Variants in HAGH observed in about 807,000 individuals in gnomAD.
HAGH encodes the protein hydroxyacylglutathione hydrolase, mitochondrial.
Under a neutral mutation model 35.1 loss-of-function variants are expected in HAGH, and 29 were observed. The ratio of observed to expected loss-of-function variants is 0.83; its 90% CI spans 0.62 to 1.13. HAGH has a LOEUF of 1.13. Among genes scored for constraint, HAGH ranks in the 50% most tolerant of loss-of-function variants. The probability of loss-of-function intolerance (pLI) is 0.00; values close to 1 mark genes in which losing one functional copy is unlikely to be tolerated. For missense variants in HAGH, 478 were observed against 419.6 expected, an observed-to-expected ratio of 1.14 and a Z score of -1.22; for synonymous variants, 225 against 176.1, an observed-to-expected ratio of 1.28 and a Z score of -2.20.
rs202216107 is a variant in HAGH, at chr16:1,812,524, A to AC, written c.748-2692_748-2691insG. 134 of 150,606 alleles carry AC rather than the reference A, an allele frequency of 8.9e-4. 1 individual carries two copies. Among genetic ancestry groups the AC allele is most frequent in the African/African-American group, 3.2e-3 (131 of 41,150 alleles). 9.3% of individuals were successfully genotyped at this position (150,606 alleles called of 1,614,324 possible). A position where few individuals can be genotyped will look rare whatever the true frequency, so the allele number is the denominator to read the frequency against. On this transcript the variant is annotated intron_variant, in intron 7 of 8. Transcript: ENST00000397356. The stretch of plus-strand genomic sequence containing the variant: ...TGTCTCAAAAAAAAAAAAAAACAAA[A>AC]AAAAAACACACAAATTGTCAAAATC...
At chr16:1,812,147 G>C (rs1234335420) in intron 7 of HAGH, among the ~76,000 whole-genome samples, 1 of 141,870 alleles carries the variant, frequency 7.0e-6, no homozygotes, top group Non-Finnish European at 1.5e-5. Context: ...CCGAGATTGT[G>C]CCACTGCACT....
intron 7 of HAGH, among the ~76,000 whole-genome samples, chr16:1,815,617 G>C (rs1346373581): frequency 6.6e-6 from 1 of 152,220 alleles, no homozygotes; most frequent in Non-Finnish European, 1.5e-5. Context: ...ACATGGGAGG[G>C]ACACAGGAGC....
intron 3 of HAGH, among the ~76,000 whole-genome samples, chr16:1,820,869 G>A (rs999941805): frequency 2.0e-5 from 3 of 152,186 alleles, no homozygotes; most frequent in South Asian, 2.1e-4. Context: ...ACCCACCATC[G>A]GTGAGCAAAC....
At chr16:1,809,522 C>T in intron 8 of HAGH, 140 bp from the exon 9 acceptor site, 1 of 707,248 alleles carries the variant, frequency 1.4e-6, no homozygotes, top group Non-Finnish European at 2.4e-6. Flanking sequence ...GGCAGCCACT[C>T]CCCTTCTGAC....
intron 7 of HAGH, chr16:1,811,004 G>C (rs1897624490): frequency 6.6e-6 from 1 of 152,206 alleles, no homozygotes; most frequent in East Asian, 1.9e-4. Flanking sequence ...CACTTCTAAG[G>C]AGACCTTTAA....
chr16:1,827,157 G>A, upstream of HAGH: 2 of 1,518,728 alleles, frequency 1.3e-6, no homozygotes, highest in South Asian at 1.3e-5. Flanking sequence ...AGCGTTCCGA[G>A]GCAGTTGGTC....
Position 1,809,821 on chromosome 16 carries a change from T to G in HAGH, c.760A>C (p.Ile254Leu). 1.2e-6 allele frequency: 2 copies of G among 1,613,354 alleles called. No homozygotes were observed. The highest frequency in any genetic ancestry group is 4.5e-5 in the East Asian group (2 of 44,892). The change falls in exon 8 of 9, where the codon ATC becomes CTC. Residue 254 changes from isoleucine to leucine, a missense_variant. Coordinates refer to ENST00000397356, the MANE Select transcript of HAGH (RefSeq NM_005326.6). ...KLAWAKEKYS[I>L]GEPTVPSTLA... Reference sequence around the variant, plus strand: ...GTGGATGGCACTGTGGGCTCCCCGATGCTGTACTTCTCCTGCAAGAGAAAC... The same window carrying G: ...GTGGATGGCACTGTGGGCTCCCCGAGGCTGTACTTCTCCTGCAAGAGAAAC...
At chr16:1,823,955 C>G (rs1230458084) in intron 1 of HAGH, among the ~76,000 whole-genome samples, 1 of 152,078 alleles carries the variant, frequency 6.6e-6, no homozygotes, top group Non-Finnish European at 1.5e-5. Flanking sequence ...ACACCCCGGA[C>G]TCAGGGACAG....
Position 1,809,261 on chromosome 16 carries a change from C to T in HAGH, c.*22G>A. 6.5e-7 allele frequency: 1 copy of T among 1,531,812 alleles called. No homozygotes were observed. Among genetic ancestry groups the T allele is most frequent in the East Asian group, 2.3e-5 (1 of 43,962 alleles). The allele number at this position is 1,531,812 out of a possible 1,614,324, so 94.9% of individuals were successfully genotyped here. A position where few individuals can be genotyped will look rare whatever the true frequency, so the allele number is the denominator to read the frequency against. On this transcript the variant is annotated 3_prime_UTR_variant, in exon 9 of 9. Coordinates refer to ENST00000397356, the MANE Select transcript of HAGH (RefSeq NM_005326.6). ...ACCTAAAAGAGCCTAATCCCCAAATCCGCTGAAGGTGCAGGGCGGCCTCAG... is the reference window on the plus strand; with the variant it reads ...ACCTAAAAGAGCCTAATCCCCAAATTCGCTGAAGGTGCAGGGCGGCCTCAG...
At chr16:1,819,336 C>T in intron 4 of HAGH, 113 bp from the exon 5 acceptor site, 2 of 649,316 alleles carry the variant, frequency 3.1e-6, no homozygotes, top group Non-Finnish European at 2.7e-6. Flanking sequence ...GAGGGAAATG[C>T]CCGTGAAGGT....
upstream of HAGH, chr16:1,827,126 C>T: frequency 7.0e-7 from 1 of 1,435,674 alleles, no homozygotes; most frequent in Non-Finnish European, 9.3e-7. Context: ...CGAGGTGGAA[C>T]GGGCCGTCGC....
chr16:1,822,393 C>T lies in HAGH; in HGVS notation c.250-29G>A. 1.9e-6 allele frequency: 3 copies of T among 1,552,850 alleles called. No individual in the cohort carries two copies. The East Asian group carries it at 6.7e-5, about 35-fold the overall frequency. ...CAGTGGCCCCGGGGAAGGACAAAGG[C>T]CTGTCACACTCCTAGGCCTGGCTTG... is the stretch of plus-strand genomic sequence containing the variant. On this transcript the variant is annotated intron_variant, in intron 2 of 8. Transcript: ENST00000397356.
At chr16:1,813,613 ACACT>A (rs1211828730) in intron 7 of HAGH, among the ~76,000 whole-genome samples, 4 of 152,336 alleles carry the variant, frequency 2.6e-5, no homozygotes, top group South Asian at 2.1e-4. Context: ...GCTCACAGAA[ACACT>A]CAATGTTAAG....
intron 8 of HAGH, 105 bp from the exon 9 acceptor site, chr16:1,809,487 C>A: frequency 1.1e-6 from 1 of 910,928 alleles, no homozygotes; most frequent in Non-Finnish European, 1.7e-6. Context: ...GCCCAGCCCT[C>A]AGAGGACACG....
intron 7 of HAGH, among the ~76,000 whole-genome samples, chr16:1,816,326 G>A (rs1006956595): frequency 3.3e-5 from 5 of 151,910 alleles, no homozygotes; most frequent in Admixed American, 3.3e-4. Context: ...TGAAAAAGAT[G>A]CTCAAAAAAC....
intron 7 of HAGH, among the ~76,000 whole-genome samples, chr16:1,813,552 G>A (rs1897757030): frequency 6.6e-6 from 1 of 152,136 alleles, no homozygotes; most frequent in African/African-American, 2.4e-5. Context: ...CCTTGAACAC[G>A]CAAATTTCAA....
At chr16:1,814,474 CAAA>C (rs57787455) in intron 7 of HAGH, among the ~76,000 whole-genome samples, 2 of 95,044 alleles carry the variant, frequency 2.1e-5, no homozygotes, top group Admixed American at 1.2e-4. Flanking sequence ...AACTCCGTCT[CAAA>C]AAAAAAAAAA....
At chr16:1,814,971 C>A (rs979587381) in intron 7 of HAGH, among the ~76,000 whole-genome samples, 1 of 146,474 alleles carries the variant, frequency 6.8e-6, no homozygotes, top group African/African-American at 2.5e-5. Context: ...ATATATATAT[C>A]TCACAAAGAC....
At chr16:1,823,952 G>A (rs1356709830) in intron 1 of HAGH, among the ~76,000 whole-genome samples, 7 of 151,962 alleles carry the variant, frequency 4.6e-5, no homozygotes, top group East Asian at 1.9e-4. Flanking sequence ...TTCACACCCC[G>A]GACTCAGGGA....
Sources: gnomAD v4.1 joint callset for allele counts (sites outside exome capture counted in the v4.1 genomes callset) on GRCh38, gnomAD v4.1.1 for gene constraint, MANE v1.5 for transcripts, NCBI Gene and HGNC (gene_info 2026-07-23, HGNC 2026-07-21) for gene names.